The following CHRNE variants were observed in gnomAD, a reference collection of about 807,000 sequenced individuals.
The protein encoded by CHRNE is cholinergic receptor nicotinic epsilon subunit, also known as acetylcholine receptor subunit epsilon.
CHRNE carries 58 observed loss-of-function variants against 56.5 expected under a neutral mutation model. The observed-to-expected ratio is 1.03, with a 90% CI of 0.83 to 1.28. CHRNE has a LOEUF of 1.28. CHRNE is among the 50% of genes most tolerant of loss of function. The pLI is 0.00. For synonymous variants in CHRNE, 385 were observed against 297.9 expected (o/e 1.29, Z -3.01); for missense variants, 793 against 688.9 (o/e 1.15, Z -1.69).
Position 4,902,947 on chromosome 17 carries a change from TC to T in CHRNE, c.46+70del, listed in dbSNP as rs1970036747. On this transcript the variant is annotated intron_variant, in intron 1 of 11. Coordinates refer to ENST00000649488, the MANE Select transcript of CHRNE (RefSeq NM_000080.4). The surrounding 1 kb of genome is among the most constrained non-coding windows in gnomAD (Gnocchi z 4.0). ...GTCTAAGTCTCCATCTTGGTCTCTG[TC>T]TTTGTCTTCCCAGTCCCTTCATGTC... is the stretch of plus-strand genomic sequence containing the variant. The T allele has an allele frequency of 1.0e-5, 16 of 1,605,442 alleles. No individual in the cohort carries two copies. In the South Asian group the frequency reaches 1.7e-4, roughly 17 times the overall value.
At chr17:4,899,953 G>A (rs753823312) in intron 8 of CHRNE, 10 of 1,550,910 alleles carry the variant, frequency 6.4e-6, no homozygotes, top group South Asian at 2.4e-5. Flanking sequence ...TCCAGCCCCC[G>A]CTTCTGTCTT....
chr17:4,901,385 T>A (rs867112911), intron 6 of CHRNE, 140 bp downstream of exon 6: 13 of 965,374 alleles, frequency 1.3e-5, no homozygotes, highest in Middle Eastern at 4.6e-4. Context: ...CAATCGAGAA[T>A]GATTTCAGGA....
Position 4,898,751 on chromosome 17 carries a change from C to T in CHRNE, c.1467G>A (p.Pro489=), listed in dbSNP as rs950225592. Residue 489 remains proline (P), a synonymous_variant, in exon 12 of 12, where the codon CCG becomes CCA. Transcript: ENST00000649488. ...TCGGTGCGAGCTAAGGCTGGATACACGGCGCGTAGGGGAGATCAGGCACTC... is the reference window on the plus strand; with the variant it reads ...TCGGTGCGAGCTAAGGCTGGATACATGGCGCGTAGGGGAGATCAGGCACTC... ...FNRVPDLPYA[P]CIQP 7 of 1,610,710 alleles carry T rather than the reference C, an allele frequency of 4.3e-6. No homozygotes were observed. The highest frequency in any genetic ancestry group is 2.7e-5 in the African/African-American group (2 of 74,898).
rs1440717363 is a variant in CHRNE at position 4,902,260 on chromosome 17, G to C, written c.301C>G (p.Pro101Ala). The change falls in exon 4 of 12, where the codon CCT (proline) becomes GCT (alanine). Residue 101 changes from proline (P) to alanine (A), a missense_variant. By Grantham distance (27) the Pro-to-Ala change is conservative. Coordinates refer to ENST00000649488, the MANE Select transcript of CHRNE (RefSeq NM_000080.4). This position sits in a 1 kb window ranked among gnomAD's most constrained non-coding sequence, Gnocchi z 4.0. ...DFGGIETLRV[P>A]SELVWLPEIV... ...TCTGGCAGCCACACGAGTTCTGAAG[G>C]GACTCGCAGGGTTTCTATACCCCCA... The C allele has an allele frequency of 2.8e-5, 46 of 1,614,058 alleles. No homozygotes were observed. The highest frequency in any genetic ancestry group is 3.8e-5 in the Non-Finnish European group (45 of 1,180,042).
chr17:4,906,827 T>C (rs1970097988), upstream of CHRNE, among the ~76,000 whole-genome samples: 1 of 151,598 alleles, frequency 6.6e-6, no homozygotes, highest in Admixed American at 6.6e-5. Context: ...ATAAAGCAAA[T>C]GTGGTACATA....
In CHRNE at chr17:4,903,048, G is replaced by A. The variant is rs746521766; in HGVS notation, c.16C>T (p.Leu6Phe). ...AGCCCCAAGAGGAGCAGGACCCCAAGCGGAGCCCTTGCCATCCTGCTGCGT... is the reference window on the plus strand; with the variant it reads ...AGCCCCAAGAGGAGCAGGACCCCAAACGGAGCCCTTGCCATCCTGCTGCGT... MARAP[L>F]GVLLLLGLLG... The change falls in exon 1 of 12, where the codon CTT becomes TTT. Residue 6 changes from leucine (L) to phenylalanine (F), a missense_variant. Leu to Phe is a conservative substitution (Grantham distance 22, BLOSUM62 0). Coordinates refer to ENST00000649488, the MANE Select transcript of CHRNE (RefSeq NM_000080.4). 71 of 1,613,926 alleles carry A rather than the reference G, an allele frequency of 4.4e-5. No homozygotes were observed. The highest frequency in any genetic ancestry group is 5.8e-5 in the Non-Finnish European group (68 of 1,180,022).
upstream of CHRNE, among the ~76,000 whole-genome samples, chr17:4,906,969 A>G (rs534452638): frequency 6.6e-6 from 1 of 152,162 alleles, no homozygotes; most frequent in African/African-American, 2.4e-5. Flanking sequence ...GCATGTTCTC[A>G]CTTATTTGTG....
chr17:4,903,026 C>A lies in CHRNE; in HGVS notation c.38G>T (p.Gly13Val), dbSNP rs1275611116. ...CTAGCCCCTGTCCGTACCGAGAAGC[C>A]CCAAGAGGAGCAGGACCCCAAGCGG... ...RAPLGVLLLLGLLGRGVGKNE... is the reference protein window; with the variant it reads ...RAPLGVLLLLVLLGRGVGKNE... Residue 13 changes from glycine (G) to valine (V), a missense_variant, in exon 1 of 12, where the codon GGG becomes GTG. Coordinates refer to ENST00000649488, the MANE Select transcript of CHRNE (RefSeq NM_000080.4). 6.2e-7 allele frequency: 1 copy of A among 1,614,032 alleles called. No homozygotes were observed. Among genetic ancestry groups the A allele is most frequent in the Admixed American group, 1.7e-5 (1 of 60,002 alleles).
In CHRNE at chr17:4,902,744, GTTC is replaced by G. The variant is rs1292172283; in HGVS notation, c.63_65del (p.Lys21del). ...GATGGTGATAAAGACGCAGTTCCTC[GTTC>G]TTCCCCACACCCCTGCCTGCGATGG... On this transcript the variant is annotated inframe_deletion, in exon 2 of 12. Transcript: ENST00000649488. This position sits in a 1 kb window ranked among gnomAD's most constrained non-coding sequence, Gnocchi z 4.0. 1 of 1,613,856 alleles carries G rather than the reference GTTC, an allele frequency of 6.2e-7. No homozygotes were observed. The highest frequency in any genetic ancestry group is 1.7e-5 in the Admixed American group (1 of 59,988).
chr17:4,901,812 A>G (rs942266501), intron 5 of CHRNE, 120 bp downstream of exon 5: 2 of 1,456,172 alleles, frequency 1.4e-6, no homozygotes, highest in African/African-American at 1.4e-5. Context: ...CCCAGTGCCT[A>G]CGCCTGGCTC....
At chr17:4,907,054 A>G (rs1029286010), upstream of CHRNE, among the ~76,000 whole-genome samples, 1 of 152,162 alleles carries the variant, frequency 6.6e-6, no homozygotes, top group East Asian at 1.9e-4. Flanking sequence ...TGGGAAGGGT[A>G]GTGGGCAGGT....
Position 4,898,460 on chromosome 17 carries a change from A to G in CHRNE, c.*276T>C. The G allele has an allele frequency of 1.9e-6, 1 of 527,482 alleles. No individual in the cohort carries two copies. The allele number at this position is 527,482 out of a possible 1,614,324, so 32.7% of individuals were successfully genotyped here. A position where few individuals can be genotyped will look rare whatever the true frequency, so the allele number is the denominator to read the frequency against. ...AGAGTCCCGTGGGGCTGAGCCTTAG[A>G]AAGGCTGGGAGGTCAGCAAGGCTGA... is the stretch of plus-strand genomic sequence containing the variant. On this transcript the variant is annotated 3_prime_UTR_variant, in exon 12 of 12. Transcript: ENST00000649488.
chr17:4,903,033 G>A lies in CHRNE; in HGVS notation c.31C>T (p.Leu11Phe), dbSNP rs1245614875. The A allele has an allele frequency of 3.1e-6, 5 of 1,614,060 alleles. No individual in the cohort carries two copies. Among genetic ancestry groups the A allele is most frequent in the Non-Finnish European group, 3.4e-6 (4 of 1,180,016 alleles). The change falls in exon 1 of 12, where the codon CTC becomes TTC. Residue 11 changes from leucine to phenylalanine, a missense_variant. By Grantham distance (22) the Leu-to-Phe change is conservative. Transcript: ENST00000649488. MARAPLGVLLLLGLLGRGVGK... is the reference protein window; with the variant it reads MARAPLGVLLFLGLLGRGVGK... ...CTGTCCGTACCGAGAAGCCCCAAGA[G>A]GAGCAGGACCCCAAGCGGAGCCCTT...
chr17:4,901,511 G>C lies in CHRNE; in HGVS notation c.601+14C>G. The C allele has an allele frequency of 1.2e-6, 2 of 1,612,842 alleles. No individual in the cohort carries two copies. Among genetic ancestry groups the C allele is most frequent in the Admixed American group, 1.7e-5 (1 of 60,028 alleles). ...GTCTAGAAGCGGGTTTTTCTGAGCA[G>C]GCAGGGGCTTCACCAGTATAGGCCT... On this transcript the variant is annotated intron_variant, in intron 6 of 11. Coordinates refer to ENST00000649488, the MANE Select transcript of CHRNE (RefSeq NM_000080.4).
intron 5 of CHRNE, 136 bp downstream of exon 5, chr17:4,901,796 G>A (rs1969995050): frequency 7.3e-7 from 1 of 1,368,138 alleles, no homozygotes; most frequent in African/African-American, 1.4e-5. Flanking sequence ...GCGCTGGAGC[G>A]TCCCACCCAG....
At chr17:4,904,496 GAA>G (rs1236186479), upstream of CHRNE, among the ~76,000 whole-genome samples, 3 of 152,138 alleles carry the variant, frequency 2.0e-5, no homozygotes, top group East Asian at 5.8e-4. Flanking sequence ...GTATTTTTAG[GAA>G]ACTGTCCAGG....
rs1159106476 is a variant in CHRNE, at chr17:4,899,238, G to T, written c.1179C>A (p.Leu393=). ...ELILKKPRSE[L]VFEGQRHRQG... ...GCCGGTGCCTCTGCCCCTCAAACAC[G>T]AGCTCGCTCCGTGGCTTTTTCAGTA... The change falls in exon 10 of 12, where the codon CTC becomes CTA. Residue 393 remains leucine (L), a synonymous_variant. Coordinates refer to ENST00000649488, the MANE Select transcript of CHRNE (RefSeq NM_000080.4). The T allele has an allele frequency of 2.5e-6, 4 of 1,607,008 alleles. No homozygotes were observed. The highest frequency in any genetic ancestry group is 2.5e-6 in the Non-Finnish European group (3 of 1,179,136).
intron 8 of CHRNE, chr17:4,900,176 C>T (rs1225166645): frequency 1.2e-5 from 18 of 1,544,682 alleles, no homozygotes; most frequent in Non-Finnish European, 1.5e-5. Flanking sequence ...GGATACGCGG[C>T]GATCGGGTAG....
At position 4,898,288 on chromosome 17, in the gene CHRNE, T is replaced by C; in HGVS notation, c.*448A>G. The C allele has an allele frequency of 3.7e-6, 1 of 267,042 alleles. No individual in the cohort carries two copies. The allele number at this position is 267,042 out of a possible 1,614,324, so 16.5% of individuals were successfully genotyped here. On this transcript the variant is annotated 3_prime_UTR_variant, in exon 12 of 12. Coordinates refer to ENST00000649488, the MANE Select transcript of CHRNE (RefSeq NM_000080.4). ...CTGAGGGCCACCAGCACTGAAGGTGTTTGGTTCCCACCCGCTCCAGCAGAG... is the reference window on the plus strand; with the variant it reads ...CTGAGGGCCACCAGCACTGAAGGTGCTTGGTTCCCACCCGCTCCAGCAGAG...
Sources: allele counts gnomAD v4.1 joint callset (sites outside exome capture counted in the v4.1 genomes callset), GRCh38; gene constraint gnomAD v4.1.1; non-coding constraint Gnocchi (gnomAD v3.1); transcripts MANE v1.5; gene names NCBI Gene and HGNC (gene_info 2026-07-23, HGNC 2026-07-21).